The following SLC4A4 variants were observed in gnomAD, a reference collection of about 807,000 sequenced individuals.
SLC4A4 encodes the protein electrogenic sodium bicarbonate cotransporter 1.
SLC4A4 carries 27 observed loss-of-function variants against 111.5 expected under a neutral mutation model. The ratio of observed to expected loss-of-function variants is 0.24; its 90% CI spans 0.18 to 0.33. SLC4A4 has a LOEUF of 0.33. SLC4A4 is among the 10% of genes least tolerant of loss of function. SLC4A4 has a pLI of 1.00. For missense variants in SLC4A4, 909 were observed against 1,315.5 expected (o/e 0.69, Z 4.78); for synonymous variants, 443 against 463.4 (o/e 0.96, Z 0.57).
At chr4:71,145,653 A>T (rs776213998) in intron 2 of SLC4A4, among the ~76,000 whole-genome samples, 2 of 151,994 alleles carry the variant, frequency 1.3e-5, no homozygotes, top group African/African-American at 2.4e-5. Context: ...CAGAGATTCA[A>T]CTTCTTCCTG....
intron 5 of SLC4A4, among the ~76,000 whole-genome samples, chr4:71,355,984 GC>G (rs1444713246): frequency 3.9e-5 from 6 of 152,182 alleles, no homozygotes; most frequent in African/African-American, 1.4e-4. Context: ...CACATTCTGT[GC>G]AGAGGACAAA....
At chr4:71,250,705 T>G (rs1402189843) in intron 2 of SLC4A4, among the ~76,000 whole-genome samples, 1 of 152,178 alleles carries the variant, frequency 6.6e-6, no homozygotes, top group Non-Finnish European at 1.5e-5. Context: ...TCTATTCTCT[T>G]GTTAGCAGCC....
At chr4:71,301,540 T>G (rs1725257619) in intron 3 of SLC4A4, among the ~76,000 whole-genome samples, 1 of 152,174 alleles carries the variant, frequency 6.6e-6, no homozygotes, top group Admixed American at 6.5e-5. Context: ...AGCCAGGGAA[T>G]CCAGATAGTA....
At chr4:71,089,857 G>A (rs965617484) in intron 1 of SLC4A4, among the ~76,000 whole-genome samples, 5 of 150,860 alleles carry the variant, frequency 3.3e-5, no homozygotes, top group African/African-American at 9.8e-5. Flanking sequence ...ACCCACTTGA[G>A]GAGGCAGTTT....
chr4:71,312,992 C>T (rs1013178342), intron 3 of SLC4A4, among the ~76,000 whole-genome samples: 3 of 152,190 alleles, frequency 2.0e-5, no homozygotes, highest in East Asian at 3.8e-4. Context: ...CAAATTGTCT[C>T]TGTTTGCAGA....
intron 7 of SLC4A4, among the ~76,000 whole-genome samples, chr4:71,405,314 T>C (rs1011411984): frequency 6.6e-6 from 1 of 152,132 alleles, no homozygotes; most frequent in Non-Finnish European, 1.5e-5. Context: ...TTGAGTTTAA[T>C]GAACTTTTCT....
intron 7 of SLC4A4, among the ~76,000 whole-genome samples, chr4:71,434,017 G>C (rs1412357919): frequency 6.6e-6 from 1 of 151,910 alleles, no homozygotes; most frequent in African/African-American, 2.4e-5. Context: ...TATTTATAAA[G>C]AGCTTGAATG....
At chr4:71,372,801 A>G (rs1026338594) in intron 6 of SLC4A4, among the ~76,000 whole-genome samples, 2 of 150,374 alleles carry the variant, frequency 1.3e-5, no homozygotes, top group African/African-American at 2.4e-5. Context: ...GTTTAATGTT[A>G]TTATTATCAT....
At chr4:71,240,666 A>G (rs970621763) in intron 2 of SLC4A4, among the ~76,000 whole-genome samples, 2 of 152,202 alleles carry the variant, frequency 1.3e-5, no homozygotes, top group Non-Finnish European at 2.9e-5. Flanking sequence ...CAGGAAAAGT[A>G]AAAAAAGTAT....
chr4:71,161,560 A>T (rs1744617854), intron 2 of SLC4A4, among the ~76,000 whole-genome samples: 1 of 152,190 alleles, frequency 6.6e-6, no homozygotes, highest in Non-Finnish European at 1.5e-5. Context: ...GTATTCATTT[A>T]ATATTTATCT....
At chr4:71,086,553 G>T (rs905695502) in intron 1 of SLC4A4, among the ~76,000 whole-genome samples, 7 of 151,958 alleles carry the variant, frequency 4.6e-5, no homozygotes, top group African/African-American at 1.7e-4. Context: ...ATCATAGATA[G>T]CTCTTATTAT....
intron 3 of SLC4A4, among the ~76,000 whole-genome samples, chr4:71,314,661 A>G (rs908044099): frequency 3.9e-5 from 6 of 152,170 alleles, no homozygotes; most frequent in Non-Finnish European, 7.4e-5. Context: ...GCAAACTAAC[A>G]GGGGAACAGA....
At chr4:71,182,432 C>G (rs1440540927), upstream of SLC4A4, among the ~76,000 whole-genome samples, 1 of 151,944 alleles carries the variant, frequency 6.6e-6, no homozygotes, top group African/African-American at 2.4e-5. Context: ...GCTGTGGTCT[C>G]CAAGATAGGC....
chr4:71,338,568 T>C (rs78125769), intron 3 of SLC4A4, among the ~76,000 whole-genome samples: 1 of 147,420 alleles, frequency 6.8e-6, no homozygotes, highest in African/African-American at 2.5e-5. Context: ...TTCTTCTTCT[T>C]TTTTTTTTTT....
chr4:71,305,892 G>A (rs527606042), intron 3 of SLC4A4, among the ~76,000 whole-genome samples: 41 of 152,252 alleles, frequency 2.7e-4, no homozygotes, highest in African/African-American at 9.6e-4. Context: ...AGAGCCAGGG[G>A]AGGTTTTATG....
Position 71,175,223 on chromosome 4 carries a change from T to C in SLC4A4, c.-1-61353T>C, listed in dbSNP as rs549359495. Among the ~76,000 whole-genome samples, 244 of 152,356 alleles carry C rather than the reference T, an allele frequency of 1.6e-3. 1 individual carries two copies. Among genetic ancestry groups the C allele is most frequent in the Non-Finnish European group, 2.5e-3 (170 of 68,032 alleles). ...TTAAAAAGTGGGGGTGGAGCCAAGA[T>C]GGCTGAATAGGAACAGCTCCAGTCT... On this transcript the variant is annotated intron_variant, in intron 2 of 26. Coordinates refer to the SLC4A4 transcript ENST00000649996.
intron 16 of SLC4A4, among the ~76,000 whole-genome samples, chr4:71,527,266 G>A (rs1024009629): frequency 2.0e-5 from 3 of 152,064 alleles, no homozygotes; most frequent in Non-Finnish European, 4.4e-5. Flanking sequence ...AACCATATGA[G>A]ATAAAATGGT....
intron 3 of SLC4A4, among the ~76,000 whole-genome samples, chr4:71,256,010 C>T (rs1721424312): frequency 6.6e-6 from 1 of 152,100 alleles, no homozygotes; most frequent in African/African-American, 2.4e-5. Flanking sequence ...AAAGAACACC[C>T]TTGAATTCAA....
At chr4:71,101,871 C>T (rs1265162927) in intron 2 of SLC4A4, among the ~76,000 whole-genome samples, 1 of 151,868 alleles carries the variant, frequency 6.6e-6, no homozygotes. Flanking sequence ...CGCCTCTCCT[C>T]CTCCAAAGGA....
Sources: allele counts gnomAD v4.1 joint callset (sites outside exome capture counted in the v4.1 genomes callset), GRCh38; gene constraint gnomAD v4.1.1; transcripts MANE v1.5; gene names NCBI Gene and HGNC (gene_info 2026-07-23, HGNC 2026-07-21).